The following NAV3 variants were observed in gnomAD, a reference collection of about 807,000 sequenced individuals.
The protein encoded by NAV3 is neuron navigator 3.
A neutral mutation model predicts 244.7 loss-of-function variants in NAV3; 87 were observed. The observed-to-expected ratio is 0.36, with a 90% CI of 0.30 to 0.42. The LOEUF is 0.42. Among genes scored for constraint, NAV3 ranks in the 20% least tolerant of loss-of-function variants. NAV3 has a pLI of 1.00. For synonymous variants in NAV3, 1,126 were observed against 1,042.2 expected (o/e 1.08, Z -1.55); for missense variants, 2,663 against 2,893.3 (o/e 0.92, Z 1.83).
intron 2 of NAV3, among the ~76,000 whole-genome samples, chr12:77,726,464 T>G (rs1876882979): frequency 6.6e-6 from 1 of 151,748 alleles, no homozygotes; most frequent in Non-Finnish European, 1.5e-5. Context: ...GGGGAACTAA[T>G]GGGAAAGAGA....
At chr12:78,014,496 G>T (rs1275992512) in intron 8 of NAV3, among the ~76,000 whole-genome samples, 2 of 152,034 alleles carry the variant, frequency 1.3e-5, no homozygotes, top group Admixed American at 1.3e-4. Flanking sequence ...TGAATTTAGA[G>T]TTTTTCCTTC....
intron 3 of NAV3, among the ~76,000 whole-genome samples, chr12:77,942,233 G>T (rs1269588997): frequency 6.6e-6 from 1 of 152,034 alleles, no homozygotes; most frequent in Non-Finnish European, 1.5e-5. Context: ...TTAGCCAGGT[G>T]TGGTGGCGCA....
intron 2 of NAV3, among the ~76,000 whole-genome samples, chr12:77,768,902 G>C (rs1463601690): frequency 2.0e-5 from 3 of 152,184 alleles, no homozygotes; most frequent in Non-Finnish European, 2.9e-5. Flanking sequence ...AGCCATCAAT[G>C]ACTATTTATT....
At chr12:77,724,528 T>C (rs1592620824) in intron 2 of NAV3, among the ~76,000 whole-genome samples, 1 of 151,926 alleles carries the variant, frequency 6.6e-6, no homozygotes, top group Non-Finnish European at 1.5e-5. Context: ...CTTTCAGTGC[T>C]AGAGTATTCA....
intron 2 of NAV3, among the ~76,000 whole-genome samples, chr12:77,777,930 C>G (rs1870450148): frequency 6.6e-6 from 1 of 151,946 alleles, no homozygotes; most frequent in Admixed American, 6.6e-5. Context: ...CTCAGCCTCC[C>G]AAGTAACTGG....
intron 9 of NAV3, among the ~76,000 whole-genome samples, chr12:78,048,195 C>T (rs912132650): frequency 6.6e-6 from 1 of 152,136 alleles, no homozygotes; most frequent in African/African-American, 2.4e-5. Context: ...TATTACCCAC[C>T]TTCTAAAGTC....
intron 22 of NAV3, among the ~76,000 whole-genome samples, chr12:78,153,025 T>C (rs192320688): frequency 6.2e-4 from 94 of 152,192 alleles, no homozygotes; most frequent in Non-Finnish European, 1.0e-3. Context: ...TTACTCAGTA[T>C]GTGACATGTA....
At chr12:77,766,734 AGT>A (rs1869776240) in intron 2 of NAV3, among the ~76,000 whole-genome samples, 1 of 53,430 alleles carries the variant, frequency 1.9e-5, no homozygotes, top group African/African-American at 5.1e-5. Context: ...CAGGCAATTA[AGT>A]TTTTTTTTTT....
intron 1 of NAV3, among the ~76,000 whole-genome samples, chr12:77,888,582 G>A (rs1185495754): frequency 6.6e-6 from 1 of 152,188 alleles, no homozygotes; most frequent in Non-Finnish European, 1.5e-5. Flanking sequence ...GTAATGAAGA[G>A]AAGCATAAGT....
chr12:77,777,909 G>A (rs962015548), intron 2 of NAV3, among the ~76,000 whole-genome samples: 4 of 151,508 alleles, frequency 2.6e-5, no homozygotes, highest in Admixed American at 6.6e-5. Context: ...AGGTTCAAGC[G>A]ATTCTCCTGC....
intron 9 of NAV3, among the ~76,000 whole-genome samples, chr12:78,022,931 C>G (rs1421685829): frequency 2.6e-5 from 4 of 152,100 alleles, no homozygotes; most frequent in African/African-American, 9.7e-5. Context: ...AAGGCCAGTT[C>G]TAGGTAGGGG....
chr12:77,818,246 G>GA (rs1472748717), intron 2 of NAV3, among the ~76,000 whole-genome samples: 1 of 151,986 alleles, frequency 6.6e-6, no homozygotes, highest in East Asian at 1.9e-4. Context: ...TATTTCATAA[G>GA]AATCTGAGGT....
At chr12:77,699,800 T>TG (rs1446360031) in intron 2 of NAV3, among the ~76,000 whole-genome samples, 1 of 151,584 alleles carries the variant, frequency 6.6e-6, no homozygotes, top group Non-Finnish European at 1.5e-5. Context: ...TTTTTTTTTT[T>TG]TTTTAAATGA....
chr12:77,701,748 T>C (rs970676096), intron 2 of NAV3, among the ~76,000 whole-genome samples: 18 of 152,026 alleles, frequency 1.2e-4, no homozygotes, highest in Non-Finnish European at 2.2e-4. Flanking sequence ...CATAGGTTGT[T>C]TTAGTAGCAT....
intron 7 of NAV3, among the ~76,000 whole-genome samples, chr12:78,004,991 A>T (rs1873948920): frequency 6.6e-6 from 1 of 152,186 alleles, no homozygotes; most frequent in African/African-American, 2.4e-5. Flanking sequence ...GCAGTCTTCT[A>T]GCTAATGTCT....
rs547110546 is a variant in NAV3 at position 77,728,855 on chromosome 12, C to T, written c.72+156589C>T. 2.8e-3 allele frequency among the ~76,000 whole-genome samples: 50 copies of T among 17,748 alleles called. No individual in the cohort carries two copies. In the East Asian group the frequency reaches 0.043, roughly 15 times the overall value. The allele number at this position is 17,748 out of a possible 152,430, so 11.6% of individuals were successfully genotyped here. ...CTCTTCTCCTGGCTCCCCTTCTACC[C>T]GCTTCACTTCTGCCTCTGCTACCCC... On this transcript the variant is annotated intron_variant, in intron 2 of 8. Transcript: ENST00000550042.
Position 78,006,664 on chromosome 12 carries a change from A to G in NAV3, c.1126A>G (p.Thr376Ala). The stretch of plus-strand genomic sequence containing the variant: ...GCCACCTGTCTCAGAAGGGGTCAAA[A>G]CTGCTCCCTCAGGACAGAAATCCAT... ...LKPPVSEGVK[T>A]APSGQKSMLE... The change falls in exon 8 of 40, where the codon ACT becomes GCT. Residue 376 changes from threonine to alanine, a missense_variant. Coordinates refer to ENST00000397909, the MANE Select transcript of NAV3 (RefSeq NM_001024383.2). The G allele has an allele frequency of 6.2e-7, 1 of 1,614,014 alleles. No individual in the cohort carries two copies.
intron 23 of NAV3, among the ~76,000 whole-genome samples, chr12:78,166,452 A>G (rs1232090557): frequency 6.6e-6 from 1 of 151,794 alleles, no homozygotes; most frequent in Non-Finnish European, 1.5e-5. Flanking sequence ...AATATTTTAT[A>G]GGTGTTTGCT....
intron 2 of NAV3, among the ~76,000 whole-genome samples, chr12:77,755,659 A>T (rs112130810): frequency 0.48 from 20,109 of 41,756 alleles, 6,049 homozygotes; most frequent in African/African-American, 0.65. Context: ...CCTTCCTTCC[A>T]CTCTCTCTCT....
Sources: allele counts gnomAD v4.1 joint callset (sites outside exome capture counted in the v4.1 genomes callset), GRCh38; gene constraint gnomAD v4.1.1; transcripts MANE v1.5; gene names NCBI Gene and HGNC (gene_info 2026-07-23, HGNC 2026-07-21).